Variants in RANBP2 observed in about 807,000 individuals in gnomAD.
RANBP2 encodes E3 SUMO-protein ligase RanBP2.
RANBP2 carries 57 observed loss-of-function variants against 303.6 expected under a neutral mutation model. The ratio of observed to expected loss-of-function variants is 0.19; its 90% CI spans 0.15 to 0.23. The LOEUF (loss-of-function observed/expected upper bound fraction) is 0.23, where lower values mean the gene tolerates loss of function less well. RANBP2 is among the 10% of genes least tolerant of loss of function. The pLI, the probability that RANBP2 is intolerant of heterozygous loss-of-function variation, is 1.00. For missense variants in RANBP2, 3,138 were observed against 3,780.8 expected, an observed-to-expected ratio of 0.83 and a Z score of 4.46; for synonymous variants, 1,167 against 1,301.5, an observed-to-expected ratio of 0.90 and a Z score of 2.23.
chr2:108,958,442 A>T, the RANBP2 span, among the ~76,000 whole-genome samples: 1 of 152,000 alleles, frequency 6.6e-6, no homozygotes, highest in East Asian at 1.9e-4. Flanking sequence ...AACAAAAAAA[A>T]CCCCAGGGCA....
At chr2:109,469,151 G>C in the RANBP2 span, among the ~76,000 whole-genome samples, 3 of 152,142 alleles carry the variant, frequency 2.0e-5, no homozygotes, top group African/African-American at 7.2e-5. Flanking sequence ...CCAAGAATGC[G>C]GGCCCCCTGC....
At chr2:109,691,688 C>T in the RANBP2 span, among the ~76,000 whole-genome samples, 22 of 152,124 alleles carry the variant, frequency 1.4e-4, no homozygotes, top group Non-Finnish European at 2.9e-4. Context: ...GAACACAAAT[C>T]TATAGAGTAA....
the RANBP2 span, among the ~76,000 whole-genome samples, chr2:109,018,877 A>G: frequency 2.0e-5 from 3 of 152,356 alleles, no homozygotes; most frequent in Middle Eastern, 3.4e-3. Flanking sequence ...AAGTTCTATG[A>G]GGAGAGTAAG....
chr2:108,752,620 A>AC (rs1675981873), intron 12 of RANBP2, among the ~76,000 whole-genome samples: 1 of 138,396 alleles, frequency 7.2e-6, no homozygotes, highest in South Asian at 2.3e-4. Flanking sequence ...AAAAATACAA[A>AC]AAAAAAAAAA....
At chr2:109,095,726 C>A in the RANBP2 span, among the ~76,000 whole-genome samples, 2 of 152,048 alleles carry the variant, frequency 1.3e-5, no homozygotes, top group Non-Finnish European at 2.9e-5. Flanking sequence ...GTAAAGGGTT[C>A]TAAAAGGTTT....
the RANBP2 span, among the ~76,000 whole-genome samples, chr2:109,301,045 A>G: frequency 4.6e-5 from 7 of 152,246 alleles, no homozygotes; most frequent in East Asian, 1.3e-3. Flanking sequence ...GGGAGACTTC[A>G]ATACAGTTGT....
chr2:108,861,430 T>C, the RANBP2 span, among the ~76,000 whole-genome samples: 3 of 151,926 alleles, frequency 2.0e-5, no homozygotes, highest in East Asian at 5.8e-4. Flanking sequence ...ATTTGATATT[T>C]TTCTTTTTTT....
the RANBP2 span, among the ~76,000 whole-genome samples, chr2:109,180,312 G>A: frequency 0.041 from 6,184 of 152,156 alleles, 400 homozygotes; most frequent in African/African-American, 0.14. Flanking sequence ...TTGGCAGATG[G>A]TATTGATGAC....
chr2:109,218,030 A>G, the RANBP2 span, among the ~76,000 whole-genome samples: 1 of 152,126 alleles, frequency 6.6e-6, no homozygotes, highest in African/African-American at 2.4e-5. Context: ...ACCAGGTGCC[A>G]CAAGTGAAGC....
At chr2:109,395,197 C>A in the RANBP2 span, among the ~76,000 whole-genome samples, 1 of 152,236 alleles carries the variant, frequency 6.6e-6, no homozygotes, top group Non-Finnish European at 1.5e-5. Flanking sequence ...GTGAGTATGG[C>A]AAGCCTGGTC....
At chr2:108,925,704 G>A in the RANBP2 span, among the ~76,000 whole-genome samples, 4 of 151,802 alleles carry the variant, frequency 2.6e-5, no homozygotes, top group Non-Finnish European at 5.9e-5. Context: ...CGCAACTTCC[G>A]CCTCCCAGGT....
the RANBP2 span, among the ~76,000 whole-genome samples, chr2:108,988,609 C>T: frequency 1.3e-5 from 2 of 152,094 alleles, no homozygotes; most frequent in Admixed American, 1.3e-4. Flanking sequence ...CCCAGTGAGC[C>T]GGGCACAGGG....
chr2:108,834,214 A>ATTTTTTTTTTTTCTTT, the RANBP2 span, among the ~76,000 whole-genome samples: 19 of 139,650 alleles, frequency 1.4e-4, no homozygotes, highest in African/African-American at 5.1e-4. Context: ...CATCTTTGAA[A>ATTTTTTTTTTTTCTTT]TTTTTTTTTT....
the RANBP2 span, chr2:109,449,105 C>T: frequency 6.5e-7 from 1 of 1,540,888 alleles, no homozygotes. Flanking sequence ...ATTGCAGCTG[C>T]CTGGCAGGCA....
the RANBP2 span, among the ~76,000 whole-genome samples, chr2:109,425,775 A>G: frequency 3.3e-5 from 5 of 152,270 alleles, no homozygotes; most frequent in African/African-American, 1.2e-4. Flanking sequence ...ATGGAGATGT[A>G]CAAGGAGATG....
the RANBP2 span, among the ~76,000 whole-genome samples, chr2:109,354,760 G>C: frequency 6.6e-6 from 1 of 152,246 alleles, no homozygotes; most frequent in South Asian, 2.1e-4. Flanking sequence ...TCTTCACAAA[G>C]GCGCATCTGT....
the RANBP2 span, among the ~76,000 whole-genome samples, chr2:109,715,534 AGGGCATG>A: frequency 2.6e-5 from 4 of 152,194 alleles, no homozygotes; most frequent in Admixed American, 6.5e-5. Flanking sequence ...GTGTGAGGAA[AGGGCATG>A]GAGCTTCCCT....
At chr2:108,841,896 G>A in the RANBP2 span, among the ~76,000 whole-genome samples, 9 of 152,008 alleles carry the variant, frequency 5.9e-5, no homozygotes, top group Non-Finnish European at 2.9e-5. Context: ...TGTATTGAGT[G>A]TATCTCTTTG....
the RANBP2 span, among the ~76,000 whole-genome samples, chr2:109,687,583 C>G: frequency 6.6e-6 from 1 of 152,000 alleles, no homozygotes; most frequent in Non-Finnish European, 1.5e-5. Flanking sequence ...TGGCTCTCCT[C>G]GACCACAGTA....
Sources: gnomAD v4.1 joint callset for allele counts (sites outside exome capture counted in the v4.1 genomes callset) on GRCh38, gnomAD v4.1.1 for gene constraint, MANE v1.5 for transcripts, NCBI Gene and HGNC (gene_info 2026-07-23, HGNC 2026-07-21) for gene names.